The following TRPS1 variants were observed in gnomAD, a reference collection of about 807,000 sequenced individuals.
TRPS1 encodes zinc finger transcription factor Trps1.
In TRPS1, 6 loss-of-function variants were observed where a neutral mutation model predicts 101.2. The observed-to-expected ratio is 0.06, with a 90% CI of 0.03 to 0.12. TRPS1 has a LOEUF of 0.12. TRPS1 is among the 10% of genes least tolerant of loss of function. The pLI, the probability that TRPS1 is intolerant of heterozygous loss-of-function variation, is 1.00. For synonymous variants in TRPS1, 578 were observed against 589.8 expected (o/e 0.98, Z 0.29); for missense variants, 1,363 against 1,567.0 (o/e 0.87, Z 2.20).
chr8:115,644,424 C>T (rs1818969205), intron 1 of TRPS1, among the ~76,000 whole-genome samples: 1 of 152,170 alleles, frequency 6.6e-6, no homozygotes. Context: ...TCAAACGTTT[C>T]TTCTGCAACT....
intron 1 of TRPS1, among the ~76,000 whole-genome samples, chr8:115,648,983 G>A (rs1811498826): frequency 6.6e-6 from 1 of 152,154 alleles, no homozygotes; most frequent in African/African-American, 2.4e-5. Context: ...TATCAGGACA[G>A]TACCACATCC....
chr8:115,617,540 A>G (rs1818300256), intron 3 of TRPS1, among the ~76,000 whole-genome samples: 1 of 152,186 alleles, frequency 6.6e-6, no homozygotes, highest in Non-Finnish European at 1.5e-5. Context: ...TTTCCCTGAC[A>G]GCCTAGATCA....
At chr8:115,599,941 A>C (rs974736876) in intron 4 of TRPS1, among the ~76,000 whole-genome samples, 3 of 152,138 alleles carry the variant, frequency 2.0e-5, no homozygotes, top group African/African-American at 7.2e-5. Flanking sequence ...GGTTGAACTA[A>C]TTTACACTCC....
chr8:115,448,456 C>T (rs971191190), intron 5 of TRPS1, among the ~76,000 whole-genome samples: 1 of 152,148 alleles, frequency 6.6e-6, no homozygotes, highest in Non-Finnish European at 1.5e-5. Flanking sequence ...TCTTTTCTGT[C>T]AGAACGAGTG....
chr8:115,513,301 A>G (rs1052160756), intron 5 of TRPS1, among the ~76,000 whole-genome samples: 13 of 151,670 alleles, frequency 8.6e-5, no homozygotes, highest in African/African-American at 2.9e-4. Context: ...TTCTTGCACT[A>G]TATTCCCAAG....
Position 115,668,767 on chromosome 8 carries a change from T to A in TRPS1, c.-344A>T, listed in dbSNP as rs1191880138. The A allele has an allele frequency of 7.0e-6, 1 of 143,194 alleles. No individual in the cohort carries two copies. Among genetic ancestry groups the A allele is most frequent in the African/African-American group, 2.6e-5 (1 of 38,054 alleles). 8.9% of individuals were successfully genotyped at this position (143,194 alleles called of 1,614,324 possible). A position where few individuals can be genotyped will look rare whatever the true frequency, so the allele number is the denominator to read the frequency against. ...AAAGAGAAAGGAAATAGAGCAAGGA[T>A]GTGCCCGGTGCCGGGTGGGAGAGGG... is the stretch of plus-strand genomic sequence containing the variant. On this transcript the variant is annotated 5_prime_UTR_variant, in exon 1 of 7. Transcript: ENST00000395715.
intron 5 of TRPS1, among the ~76,000 whole-genome samples, chr8:115,550,781 A>C (rs1816685990): frequency 6.6e-6 from 1 of 152,210 alleles, no homozygotes; most frequent in Non-Finnish European, 1.5e-5. Flanking sequence ...CACCTTGACT[A>C]TGTTAAGTTT....
At chr8:115,457,011 G>A (rs1451010531) in intron 5 of TRPS1, among the ~76,000 whole-genome samples, 2 of 152,048 alleles carry the variant, frequency 1.3e-5, no homozygotes, top group Non-Finnish European at 2.9e-5. Flanking sequence ...ACAGGGCAGG[G>A]AACAAATTAG....
At chr8:115,452,752 G>T (rs904954461) in intron 5 of TRPS1, among the ~76,000 whole-genome samples, 3 of 152,132 alleles carry the variant, frequency 2.0e-5, no homozygotes, top group Non-Finnish European at 2.9e-5. Context: ...TAAATGAGAT[G>T]ACATTAGTGG....
At chr8:115,506,737 G>A (rs1338910901) in intron 5 of TRPS1, among the ~76,000 whole-genome samples, 1 of 152,012 alleles carries the variant, frequency 6.6e-6, no homozygotes, top group African/African-American at 2.4e-5. Context: ...TACAACACAG[G>A]TAGTTTTATT....
intron 5 of TRPS1, among the ~76,000 whole-genome samples, chr8:115,423,304 T>C (rs1813113406): frequency 6.6e-6 from 1 of 152,230 alleles, no homozygotes; most frequent in Non-Finnish European, 1.5e-5. Context: ...ATTTCCTATG[T>C]GAAAAAGGAT....
chr8:115,578,744 AG>A (rs1162065998), intron 5 of TRPS1, among the ~76,000 whole-genome samples: 4 of 152,160 alleles, frequency 2.6e-5, no homozygotes, highest in African/African-American at 9.6e-5. Flanking sequence ...AAGTATTTAC[AG>A]GTTGGAATTT....
chr8:115,584,087 G>A (rs1817513077), intron 5 of TRPS1, among the ~76,000 whole-genome samples: 1 of 151,708 alleles, frequency 6.6e-6, no homozygotes, highest in Non-Finnish European at 1.5e-5. Context: ...TTAATTATGT[G>A]CTTTGTAACA....
chr8:115,612,159 AAG>A (rs1554597668), intron 3 of TRPS1, among the ~76,000 whole-genome samples: 2 of 150,850 alleles, frequency 1.3e-5, no homozygotes, highest in Non-Finnish European at 3.0e-5. Context: ...AGAACAGAAA[AAG>A]AGGCCAAAGA....
chr8:115,434,080 T>C (rs1813389871), intron 5 of TRPS1, among the ~76,000 whole-genome samples: 1 of 34,520 alleles, frequency 2.9e-5, no homozygotes. Context: ...GGCCATACGC[T>C]GCATGATAAT....
At chr8:115,564,420 A>G (rs1160374654) in intron 5 of TRPS1, among the ~76,000 whole-genome samples, 1 of 152,108 alleles carries the variant, frequency 6.6e-6, no homozygotes, top group African/African-American at 2.4e-5. Flanking sequence ...AAACAAAAGC[A>G]AAAGCAAAAC....
intron 5 of TRPS1, among the ~76,000 whole-genome samples, chr8:115,499,318 A>T (rs2130136419): frequency 6.6e-6 from 1 of 152,324 alleles, no homozygotes; most frequent in Non-Finnish European, 1.5e-5. Context: ...ATGAATCAAA[A>T]TATTGTGCTT....
chr8:115,578,183 C>T (rs1307985271), intron 5 of TRPS1, among the ~76,000 whole-genome samples: 1 of 152,102 alleles, frequency 6.6e-6, no homozygotes, highest in African/African-American at 2.4e-5. Flanking sequence ...TTGCCACTTG[C>T]TTTTCTCCTA....
In TRPS1 at chr8:115,604,213, T is replaced by G; in HGVS notation, c.1756A>C (p.Ser586Arg). Residue 586 changes from serine (S) to arginine (R), a missense_variant, in exon 4 of 7, where the codon AGC becomes CGC. Coordinates refer to ENST00000395715, the MANE Select transcript of TRPS1 (RefSeq NM_014112.5). This position sits in a 1 kb window ranked among gnomAD's most constrained non-coding sequence, Gnocchi z 4.1. ...ATTTCTCCAAGGTGCTTTTCTGGGC[T>G]GCAAAGTCCTCTGGGACAGAATGGA... is the stretch of plus-strand genomic sequence containing the variant. ...HCPFCPRGLC[S>R]PEKHLGEITY... is the part of the protein sequence containing the mutation. The G allele has an allele frequency of 6.2e-7, 1 of 1,614,084 alleles. No individual in the cohort carries two copies.
Sources: allele counts gnomAD v4.1 joint callset (sites outside exome capture counted in the v4.1 genomes callset), GRCh38; gene constraint gnomAD v4.1.1; non-coding constraint Gnocchi (gnomAD v3.1); transcripts MANE v1.5; gene names NCBI Gene and HGNC (gene_info 2026-07-23, HGNC 2026-07-21).